Variants in ADGRL3 observed in about 807,000 individuals in gnomAD.
ADGRL3 encodes the protein calcium-independent alpha-latrotoxin receptor 3.
ADGRL3 carries 62 observed loss-of-function variants against 153.5 expected under a neutral mutation model. The observed-to-expected ratio is 0.40, with a 90% CI of 0.33 to 0.50. The LOEUF (loss-of-function observed/expected upper bound fraction) is 0.50. Ranked by LOEUF, ADGRL3 falls within the 20% of genes least tolerant of loss-of-function variation. The pLI, the probability that ADGRL3 is intolerant of heterozygous loss-of-function variation, is 0.47. For synonymous variants in ADGRL3, 710 were observed against 672.5 expected (o/e 1.06, Z -0.86); for missense variants, 1,641 against 1,859.4 (o/e 0.88, Z 2.16).
rs1295560963 is a variant in ADGRL3, at chr4:61,892,755, T to C, written c.1580T>C (p.Val527Ala). The change falls in exon 10 of 27, where the codon GTG becomes GCG. Residue 527 changes from valine to alanine, a missense_variant. By Grantham distance (64) the Val-to-Ala change is moderately conservative. This residue lies in a region of ADGRL3 where 734 missense variants were observed against 797.0 expected (regional missense o/e 0.92). Coordinates refer to ENST00000683033, the MANE Select transcript of ADGRL3 (RefSeq NM_001387552.1). ...LSPGRSTTPS[V>A]SGRRNRSTST... ...CCAGGAAGGAGTACCACCCCGTCAG[T>C]GTCAGGAAGAAGAAACCGGAGTACT... 3 of 1,613,842 alleles carry C rather than the reference T, an allele frequency of 1.9e-6. No individual in the cohort carries two copies. Among genetic ancestry groups the C allele is most frequent in the Admixed American group, 1.7e-5 (1 of 59,994 alleles).
intron 5 of ADGRL3, among the ~76,000 whole-genome samples, chr4:61,655,755 A>G (rs1222739381): frequency 2.0e-5 from 3 of 152,206 alleles, no homozygotes; most frequent in Non-Finnish European, 4.4e-5. Flanking sequence ...GGCAAACTAT[A>G]CTTTCACATG....
At chr4:61,961,707 A>G (rs959963903) in intron 17 of ADGRL3, among the ~76,000 whole-genome samples, 6 of 152,184 alleles carry the variant, frequency 3.9e-5, no homozygotes, top group African/African-American at 1.4e-4. Flanking sequence ...ATTGAGAAAG[A>G]TAGTCTTTCT....
intron 5 of ADGRL3, among the ~76,000 whole-genome samples, chr4:61,642,041 TG>T (rs1161079512): frequency 2.0e-5 from 3 of 150,916 alleles, no homozygotes; most frequent in East Asian, 3.9e-4. Flanking sequence ...TGGCCAGTGA[TG>T]ATGAGCATTT....
At chr4:61,629,476 T>C (rs1313130619) in intron 5 of ADGRL3, among the ~76,000 whole-genome samples, 1 of 151,632 alleles carries the variant, frequency 6.6e-6, no homozygotes, top group Admixed American at 6.6e-5. Context: ...CCCAGCACTA[T>C]GGGAGGCCGA....
At position 61,764,315 on chromosome 4, in the gene ADGRL3, G is replaced by C. The variant is rs138678787; in HGVS notation, c.1399+30761G>C. ...TGCAGGCGGGCTGAGTTCGAAAAGA[G>C]AGTCAGCGAAGGGAGATAAGGGTGG... On this transcript the variant is annotated intron_variant, in intron 8 of 26. Transcript: ENST00000683033. Among the ~76,000 whole-genome samples, 1,354 of 152,132 alleles carry C rather than the reference G, an allele frequency of 8.9e-3. 17 individuals are homozygous for C. Among genetic ancestry groups the C allele is most frequent in the African/African-American group, 0.031 (1,287 of 41,488 alleles).
At chr4:61,573,275 A>T (rs180748731) in intron 4 of ADGRL3, among the ~76,000 whole-genome samples, 282 of 152,110 alleles carry the variant, frequency 1.9e-3, no homozygotes, top group Non-Finnish European at 3.3e-3. Flanking sequence ...TTTTTTCCAA[A>T]TTAGAATTAT....
rs1488927208 is a variant in ADGRL3, at chr4:61,282,501, T to G, written c.-240+80736T>G. ...TTTTTGCACATGTGGTAGTGTAGTA[T>G]AGTGAGAAGTTGGCTTTTGGAGGCA... On this transcript the variant is annotated intron_variant, in intron 1 of 26. Coordinates refer to ENST00000683033, the MANE Select transcript of ADGRL3 (RefSeq NM_001387552.1). 2.6e-5 allele frequency among the ~76,000 whole-genome samples: 4 copies of G among 152,176 alleles called. No homozygotes were observed. The East Asian group carries it at 7.7e-4, about 29-fold the overall frequency.
At chr4:61,636,800 CA>C (rs748450033) in intron 5 of ADGRL3, among the ~76,000 whole-genome samples, 38 of 150,714 alleles carry the variant, frequency 2.5e-4, no homozygotes, top group Non-Finnish European at 4.6e-4. Flanking sequence ...GATGTATATA[CA>C]TAAATATTTT....
intron 4 of ADGRL3, among the ~76,000 whole-genome samples, chr4:61,560,168 T>C (rs541410396): frequency 6.6e-6 from 1 of 152,244 alleles, no homozygotes; most frequent in Admixed American, 6.5e-5. Context: ...TATTATATTG[T>C]CACTACTTAT....
At chr4:61,642,622 G>T (rs1056606764) in intron 5 of ADGRL3, among the ~76,000 whole-genome samples, 1 of 151,998 alleles carries the variant, frequency 6.6e-6, no homozygotes, top group African/African-American at 2.4e-5. Context: ...ATTTCTGAGG[G>T]CTCTGTTCTG....
chr4:61,316,885 AT>A (rs1363751140), intron 1 of ADGRL3, among the ~76,000 whole-genome samples: 5 of 152,022 alleles, frequency 3.3e-5, no homozygotes, highest in African/African-American at 4.8e-5. Flanking sequence ...TCTCTTTATT[AT>A]TTTTTTTGTG....
intron 5 of ADGRL3, among the ~76,000 whole-genome samples, chr4:61,672,834 A>G (rs1260641176): frequency 6.6e-6 from 1 of 152,066 alleles, no homozygotes; most frequent in East Asian, 1.9e-4. Flanking sequence ...ATGGATATGT[A>G]AAAGAAATGA....
At chr4:61,420,476 G>C (rs529462951) in intron 2 of ADGRL3, 113 of 128,984 alleles carry the variant, frequency 8.8e-4, no homozygotes, top group African/African-American at 3.1e-3. Flanking sequence ...GCGCCATCTC[G>C]TCTCACTGAA....
chr4:61,916,957 AAAAAAT>A (rs917452970), intron 13 of ADGRL3, among the ~76,000 whole-genome samples: 1 of 152,134 alleles, frequency 6.6e-6, no homozygotes, highest in Non-Finnish European at 1.5e-5. Context: ...CATCTCCAAA[AAAAAAT>A]AAAAATAAAA....
At chr4:61,366,305 G>A (rs1392897902) in intron 1 of ADGRL3, among the ~76,000 whole-genome samples, 2 of 152,162 alleles carry the variant, frequency 1.3e-5, no homozygotes, top group African/African-American at 4.8e-5. Flanking sequence ...ACCATCAGCT[G>A]CATAAACATC....
chr4:61,939,508 C>T (rs890686575), intron 15 of ADGRL3, among the ~76,000 whole-genome samples: 1 of 146,770 alleles, frequency 6.8e-6, no homozygotes, highest in Non-Finnish European at 1.5e-5. Flanking sequence ...CTCACTCTGT[C>T]ACCCAGGCTG....
At chr4:62,035,656 C>T (rs1724573481) in intron 23 of ADGRL3, among the ~76,000 whole-genome samples, 1 of 152,018 alleles carries the variant, frequency 6.6e-6, no homozygotes, top group African/African-American at 2.4e-5. Flanking sequence ...TCTTTCCAGA[C>T]ACAAAGAAGG....
rs115663146 is a variant in ADGRL3, at chr4:61,801,221, A to G, written c.1400-12588A>G. Among the ~76,000 whole-genome samples the G allele has an allele frequency of 8.9e-3, 1,359 of 152,146 alleles. 15 individuals carry two copies. The highest frequency in any genetic ancestry group is 0.031 in the African/African-American group (1,289 of 41,510). On this transcript the variant is annotated intron_variant, in intron 8 of 26. Coordinates refer to ENST00000683033, the MANE Select transcript of ADGRL3 (RefSeq NM_001387552.1). Reference sequence around the variant, plus strand: ...TACTTGGTAAAGCCATCTTGATAAAACCATCATGAAGGTGGAAGCAATGGA... The same window carrying G: ...TACTTGGTAAAGCCATCTTGATAAAGCCATCATGAAGGTGGAAGCAATGGA...
chr4:61,700,287 C>CTAAG (rs1407090306), intron 6 of ADGRL3, among the ~76,000 whole-genome samples: 3 of 117,158 alleles, frequency 2.6e-5, no homozygotes, highest in Admixed American at 1.0e-4. Context: ...GCTTGTTGCC[C>CTAAG]TAAGTTTCAC....
Sources: allele counts gnomAD v4.1 joint callset (sites outside exome capture counted in the v4.1 genomes callset), GRCh38; gene constraint gnomAD v4.1.1; regional missense constraint gnomAD v4.1.1; transcripts MANE v1.5; gene names NCBI Gene and HGNC (gene_info 2026-07-23, HGNC 2026-07-21).